The following SPON1 variants were observed in gnomAD, a reference collection of about 807,000 sequenced individuals.
SPON1 encodes spondin 1.
A neutral mutation model predicts 111.7 loss-of-function variants in SPON1; 52 were observed. The observed-to-expected ratio is 0.47, with a 90% confidence interval of 0.37 to 0.59. The LOEUF is 0.59. Among genes scored for constraint, SPON1 ranks in the 20% least tolerant of loss-of-function variants. The pLI is 0.00. For missense variants in SPON1, 957 were observed against 1,068.5 expected (o/e 0.90, Z 1.46); for synonymous variants, 410 against 395.8 (o/e 1.04, Z -0.43).
intron 6 of SPON1, among the ~76,000 whole-genome samples, chr11:14,159,550 A>C (rs1847886498): frequency 6.6e-6 from 1 of 152,150 alleles, no homozygotes; most frequent in Non-Finnish European, 1.5e-5. Flanking sequence ...TCCAAAAGAA[A>C]GGAAATCAGT....
At chr11:14,032,646 C>T (rs1263358889) in intron 2 of SPON1, among the ~76,000 whole-genome samples, 6 of 152,216 alleles carry the variant, frequency 3.9e-5, no homozygotes, top group Admixed American at 3.9e-4. Flanking sequence ...GGTCAAGTAG[C>T]TTGGTGTGGT....
At chr11:14,181,287 T>C (rs1429043264) in intron 6 of SPON1, among the ~76,000 whole-genome samples, 2 of 152,194 alleles carry the variant, frequency 1.3e-5, no homozygotes, top group Non-Finnish European at 2.9e-5. Context: ...TCCACTTCCA[T>C]AGTGGTTTAG....
intron 2 of SPON1, among the ~76,000 whole-genome samples, chr11:14,039,469 T>C (rs1848617658): frequency 1.3e-5 from 2 of 152,074 alleles, no homozygotes; most frequent in Non-Finnish European, 2.9e-5. Flanking sequence ...ATATGTGGGA[T>C]AACCCTGTAC....
At chr11:14,028,370 T>C (rs1848534441) in intron 2 of SPON1, among the ~76,000 whole-genome samples, 1 of 151,900 alleles carries the variant, frequency 6.6e-6, no homozygotes, top group Non-Finnish European at 1.5e-5. Flanking sequence ...CCTGTGGTCC[T>C]AGCTACTAGA....
intron 3 of SPON1, among the ~76,000 whole-genome samples, chr11:14,068,502 A>T (rs1848850351): frequency 6.6e-6 from 1 of 152,184 alleles, no homozygotes; most frequent in Non-Finnish European, 1.5e-5. Context: ...TGTGGAGCTG[A>T]TATCTCTGAT....
intron 6 of SPON1, among the ~76,000 whole-genome samples, chr11:14,227,640 T>G (rs782009445): frequency 3.3e-5 from 5 of 152,216 alleles, no homozygotes; most frequent in Non-Finnish European, 7.3e-5. Flanking sequence ...GAGCACTTAA[T>G]ATGTGTCAGA....
At chr11:14,201,742 C>A (rs1349767816) in intron 6 of SPON1, among the ~76,000 whole-genome samples, 5 of 152,080 alleles carry the variant, frequency 3.3e-5, no homozygotes, top group Non-Finnish European at 5.9e-5. Context: ...TGAGTATATA[C>A]ACATAAGTAT....
chr11:13,971,654 G>T (rs992046364), intron 1 of SPON1, among the ~76,000 whole-genome samples: 1 of 151,950 alleles, frequency 6.6e-6, no homozygotes, highest in East Asian at 1.9e-4. Flanking sequence ...AAGAAAAGGT[G>T]GCCCTTTTCC....
At chr11:14,005,821 T>G (rs1038636796) in intron 2 of SPON1, among the ~76,000 whole-genome samples, 7 of 152,228 alleles carry the variant, frequency 4.6e-5, no homozygotes, top group African/African-American at 1.4e-4. Flanking sequence ...TGTTATAGAC[T>G]GTTGAAAGTT....
At chr11:14,240,185 C>A (rs1288666118) in intron 6 of SPON1, among the ~76,000 whole-genome samples, 1 of 152,206 alleles carries the variant, frequency 6.6e-6, no homozygotes, top group Non-Finnish European at 1.5e-5. Context: ...GCTTTTTCAA[C>A]AATCTACTGA....
chr11:14,011,430 A>G (rs1848403849), intron 2 of SPON1, among the ~76,000 whole-genome samples: 1 of 150,472 alleles, frequency 6.6e-6, no homozygotes, highest in South Asian at 2.1e-4. Context: ...TTTTGCTTGT[A>G]TTTCAGGGAT....
intron 3 of SPON1, among the ~76,000 whole-genome samples, chr11:14,043,448 G>C (rs782744228): frequency 6.6e-5 from 10 of 152,200 alleles, no homozygotes; most frequent in African/African-American, 2.2e-4. Context: ...CTGATTTTCT[G>C]TGTCAATTGC....
chr11:14,080,763 T>TA (rs1848956528), intron 5 of SPON1, among the ~76,000 whole-genome samples: 1 of 152,204 alleles, frequency 6.6e-6, no homozygotes, highest in East Asian at 1.9e-4. Context: ...GCCTTTTTTT[T>TA]ACTGACTTCA....
intron 1 of SPON1, among the ~76,000 whole-genome samples, chr11:13,966,558 G>A (rs1591334609): frequency 6.6e-6 from 1 of 152,212 alleles, no homozygotes; most frequent in African/African-American, 2.4e-5. Flanking sequence ...GGAACTTGAT[G>A]GGAAAAGAAT....
At chr11:14,000,098 T>C (rs1177404556) in intron 2 of SPON1, among the ~76,000 whole-genome samples, 5 of 152,202 alleles carry the variant, frequency 3.3e-5, no homozygotes, top group African/African-American at 1.2e-4. Context: ...GGTTTTTCTA[T>C]GTTAGACATC....
At chr11:13,978,987 G>T (rs782735218) in intron 1 of SPON1, among the ~76,000 whole-genome samples, 61 of 152,204 alleles carry the variant, frequency 4.0e-4, no homozygotes, top group Non-Finnish European at 8.8e-5. Context: ...CTTGGCTGGG[G>T]TTCCCCGGAG....
intron 6 of SPON1, among the ~76,000 whole-genome samples, chr11:14,220,352 A>G (rs187977132): frequency 3.4e-4 from 52 of 152,282 alleles, no homozygotes; most frequent in Middle Eastern, 3.4e-3. Flanking sequence ...CTTGAATTCA[A>G]CTGTGAGAAG....
Position 14,260,753 on chromosome 11 carries a change from G to C in SPON1, c.1996+1G>C, listed in dbSNP as rs782554437. On this transcript the variant is annotated splice_donor_variant, in intron 14 of 15. Coordinates refer to ENST00000576479, the MANE Select transcript of SPON1 (RefSeq NM_006108.4). LOFTEE classifies it high-confidence loss of function. The stretch of plus-strand genomic sequence containing the variant: ...GAGAAGTGCATGCTCCCTGAATGCC[G>C]TAAGTCCTGGAGCTCCTCAAGGCCC... 1.9e-6 allele frequency: 3 copies of C among 1,612,488 alleles called. No individual in the cohort carries two copies. Among genetic ancestry groups the C allele is most frequent in the Middle Eastern group, 1.6e-4 (1 of 6,080 alleles).
At chr11:14,189,826 G>C (rs1554934387) in intron 6 of SPON1, among the ~76,000 whole-genome samples, 1 of 152,168 alleles carries the variant, frequency 6.6e-6, no homozygotes, top group Non-Finnish European at 1.5e-5. Flanking sequence ...CTCAAGAGAA[G>C]ACTAAAATGT....
Sources: gnomAD v4.1 joint callset for allele counts (sites outside exome capture counted in the v4.1 genomes callset) on GRCh38, gnomAD v4.1.1 for gene constraint, MANE v1.5 for transcripts, NCBI Gene and HGNC (gene_info 2026-07-23, HGNC 2026-07-21) for gene names.